SLC2A9: variants seen among roughly 807,000 people sequenced by gnomAD.
The protein encoded by SLC2A9 is solute carrier family 2, facilitated glucose transporter member 9.
In SLC2A9, 39 loss-of-function variants were observed where a neutral mutation model predicts 50.6. That is an observed-to-expected ratio of 0.77 (90% CI 0.60 to 1.01). The LOEUF is 1.01. Ranked by LOEUF, SLC2A9 falls within the 50% of genes least tolerant of loss-of-function variation. The pLI, the probability that SLC2A9 is intolerant of heterozygous loss-of-function variation, is 0.00. For missense variants in SLC2A9, 686 were observed against 677.6 expected (o/e 1.01, Z -0.14); for synonymous variants, 324 against 276.9 (o/e 1.17, Z -1.69).
chr4:9,803,388 C>T (rs1038505565), intron 3 of SLC2A9, among the ~76,000 whole-genome samples: 2 of 152,206 alleles, frequency 1.3e-5, no homozygotes, highest in East Asian at 1.9e-4. Flanking sequence ...AAGAACTGTG[C>T]TAAATGAATT....
chr4:10,025,945 G>A (rs746329719), upstream of SLC2A9: 13 of 1,613,460 alleles, frequency 8.1e-6, no homozygotes, highest in South Asian at 5.5e-5. Flanking sequence ...TCTTCTCCTC[G>A]GTCCTTTTTA....
At chr4:10,029,752 G>A (rs1286969354) in intron 1 of SLC2A9, among the ~76,000 whole-genome samples, 2 of 151,892 alleles carry the variant, frequency 1.3e-5, no homozygotes, top group Non-Finnish European at 2.9e-5. Flanking sequence ...GAGTAGCTGG[G>A]TTTATAGGCA....
chr4:9,972,061 T>A (rs978785856), intron 5 of SLC2A9, among the ~76,000 whole-genome samples: 3 of 152,248 alleles, frequency 2.0e-5, no homozygotes, highest in African/African-American at 7.2e-5. Context: ...GCACATGGTT[T>A]ACTATGGCAC....
chr4:10,025,665 C>A, upstream of SLC2A9: 2 of 516,794 alleles, frequency 3.9e-6, no homozygotes, highest in South Asian at 2.4e-5. Context: ...GACTTTTGCC[C>A]CAAGCCCAGA....
At chr4:9,965,339 T>A (rs1192118552) in intron 5 of SLC2A9, among the ~76,000 whole-genome samples, 1 of 152,180 alleles carries the variant, frequency 6.6e-6, no homozygotes, top group Non-Finnish European at 1.5e-5. Flanking sequence ...TCTGATAGAA[T>A]CACACATTAT....
downstream of SLC2A9, among the ~76,000 whole-genome samples, chr4:9,775,877 C>T (rs1249048534): frequency 6.6e-6 from 1 of 152,198 alleles, no homozygotes; most frequent in Non-Finnish European, 1.5e-5. Context: ...CTAGCTAGCA[C>T]ATGGGCCTTC....
At chr4:9,879,718 G>A (rs1734889728) in intron 10 of SLC2A9, 2 of 985,224 alleles carry the variant, frequency 2.0e-6, no homozygotes, top group South Asian at 9.4e-5. Context: ...TCCCCATAGA[G>A]GACTTAACTT....
intron 10 of SLC2A9, among the ~76,000 whole-genome samples, chr4:9,836,376 TGGA>T (rs1291729477): frequency 5.3e-5 from 8 of 152,036 alleles, no homozygotes; most frequent in Admixed American, 3.3e-4. Flanking sequence ...ATAAGCATTC[TGGA>T]GGAGATGCAC....
At chr4:9,884,676 C>A (rs1245157657) in intron 10 of SLC2A9, among the ~76,000 whole-genome samples, 1 of 152,056 alleles carries the variant, frequency 6.6e-6, no homozygotes, top group Non-Finnish European at 1.5e-5. Context: ...TTAGTATATA[C>A]CCAAAGGAAT....
Position 9,849,185 on chromosome 4 carries a change from G to C in SLC2A9, c.1292-14177C>G, listed in dbSNP as rs896011632. On this transcript the variant is annotated intron_variant, in intron 10 of 11. Transcript: ENST00000264784. ...GTTTGCAGGCAGAAGCTGTAGGCCTGTTGGAGGGTTTTAGGAGGAGAAAGA... is the reference window on the plus strand; with the variant it reads ...GTTTGCAGGCAGAAGCTGTAGGCCTCTTGGAGGGTTTTAGGAGGAGAAAGA... Among the ~76,000 whole-genome samples, 6 of 152,296 alleles carry C rather than the reference G, an allele frequency of 3.9e-5. No individual in the cohort carries two copies. In the East Asian group the frequency reaches 7.7e-4, roughly 20 times the overall value.
At chr4:9,854,500 T>C (rs1223011424) in intron 10 of SLC2A9, among the ~76,000 whole-genome samples, 2 of 152,200 alleles carry the variant, frequency 1.3e-5, no homozygotes, top group Non-Finnish European at 2.9e-5. Flanking sequence ...CAGGAACAGA[T>C]GGATTCACAA....
intron 10 of SLC2A9, among the ~76,000 whole-genome samples, chr4:9,875,763 C>T (rs1191442807): frequency 6.6e-6 from 1 of 152,208 alleles, no homozygotes; most frequent in Non-Finnish European, 1.5e-5. Context: ...ACTTCTTCCT[C>T]TTCTTTACTT....
intron 10 of SLC2A9, among the ~76,000 whole-genome samples, chr4:9,850,720 C>T (rs1729746396): frequency 6.6e-6 from 1 of 152,154 alleles, no homozygotes; most frequent in Admixed American, 6.5e-5. Context: ...CACTCCCCCA[C>T]CATCCCACAT....
chr4:9,990,521 A>G (rs1304946055), intron 3 of SLC2A9, among the ~76,000 whole-genome samples: 1 of 152,150 alleles, frequency 6.6e-6, no homozygotes, highest in Non-Finnish European at 1.5e-5. Context: ...GAGCTCAGAG[A>G]AGGCCAATAT....
chr4:9,840,470 TCTGA>T (rs1272932225), intron 10 of SLC2A9, among the ~76,000 whole-genome samples: 1 of 152,236 alleles, frequency 6.6e-6, no homozygotes, highest in Non-Finnish European at 1.5e-5. Flanking sequence ...ATTGTTTTTT[TCTGA>T]CTTTCATGAA....
intron 5 of SLC2A9, among the ~76,000 whole-genome samples, chr4:9,963,334 C>G (rs775327626): frequency 6.6e-6 from 1 of 152,132 alleles, no homozygotes; most frequent in African/African-American, 2.4e-5. Flanking sequence ...AGGGATAAAG[C>G]CAAGCCATTT....
chr4:9,940,637 T>G (rs182711180), intron 6 of SLC2A9, among the ~76,000 whole-genome samples: 4 of 152,350 alleles, frequency 2.6e-5, no homozygotes, highest in African/African-American at 9.6e-5. Flanking sequence ...TTCATCCCTG[T>G]AAGCCTCAGT....
intron 3 of SLC2A9, among the ~76,000 whole-genome samples, chr4:9,803,347 C>T (rs963511117): frequency 2.0e-5 from 3 of 152,184 alleles, no homozygotes; most frequent in African/African-American, 4.8e-5. Context: ...TTACTACATC[C>T]TCTAGCAGTA....
chr4:10,017,284 T>C (rs987929175), intron 2 of SLC2A9, among the ~76,000 whole-genome samples: 2 of 152,244 alleles, frequency 1.3e-5, no homozygotes, highest in African/African-American at 2.4e-5. Context: ...CCACAAGCCA[T>C]GAGTGCAAAG....
Sources: allele counts gnomAD v4.1 joint callset (sites outside exome capture counted in the v4.1 genomes callset), GRCh38; gene constraint gnomAD v4.1.1; transcripts MANE v1.5; gene names NCBI Gene and HGNC (gene_info 2026-07-23, HGNC 2026-07-21).